ITPR2: variants seen among roughly 807,000 people sequenced by gnomAD.
ITPR2 encodes the protein inositol 1,4,5-trisphosphate-gated calcium channel ITPR2.
Under a neutral mutation model 317.1 loss-of-function variants are expected in ITPR2, and 207 were observed. The observed-to-expected ratio is 0.65, with a 90% CI of 0.58 to 0.73. ITPR2 has a LOEUF of 0.73. Ranked by LOEUF, ITPR2 falls within the 30% of genes least tolerant of loss-of-function variation. The pLI, the probability that ITPR2 is intolerant of heterozygous loss-of-function variation, is 0.00. For missense variants in ITPR2, 2,613 were observed against 3,284.0 expected (o/e 0.80, Z 4.99); for synonymous variants, 1,156 against 1,149.1 (o/e 1.01, Z -0.12).
chr12:26,792,837 A>G (rs981416488), intron 1 of ITPR2, among the ~76,000 whole-genome samples: 2 of 152,160 alleles, frequency 1.3e-5, no homozygotes, highest in Non-Finnish European at 2.9e-5. Context: ...ATTTCTCTCC[A>G]GTGCTTCTCC....
In ITPR2 at chr12:26,413,903, A is replaced by G. The variant is rs550797180; in HGVS notation, c.7306+1400T>C. ...TATTTACCACTTGATTTGTAAGACA[A>G]TAACTACTGCACACATTTTGAATTC... On this transcript the variant is annotated intron_variant, in intron 51 of 56. Coordinates refer to ENST00000381340, the MANE Select transcript of ITPR2 (RefSeq NM_002223.4). 3.9e-5 allele frequency among the ~76,000 whole-genome samples: 6 copies of G among 152,310 alleles called. No individual in the cohort carries two copies. In the South Asian group the frequency reaches 1.2e-3, roughly 32 times the overall value.
intron 13 of ITPR2, among the ~76,000 whole-genome samples, 198 bp from the exon 14 acceptor site, chr12:26,666,249 C>G (rs1271130970): frequency 6.6e-6 from 1 of 151,824 alleles, no homozygotes; most frequent in African/African-American, 2.4e-5. Context: ...CACTTGAAAA[C>G]AAGGTGTTTT....
intron 41 of ITPR2, among the ~76,000 whole-genome samples, chr12:26,484,742 C>T (rs551218053): frequency 2.6e-5 from 4 of 152,154 alleles, no homozygotes; most frequent in Admixed American, 6.5e-5. Flanking sequence ...GACAGAGTCT[C>T]ACTCTATCAC....
At chr12:26,342,169 T>A (rs1938136445) in intron 55 of ITPR2, among the ~76,000 whole-genome samples, 2 of 152,064 alleles carry the variant, frequency 1.3e-5, no homozygotes, top group South Asian at 4.2e-4. Context: ...GGGATGAGCA[T>A]CAGGAAGATC....
chr12:26,593,729 A>ATT (rs10633886), intron 32 of ITPR2, among the ~76,000 whole-genome samples: 11,389 of 85,668 alleles, frequency 0.13, 499 homozygotes, highest in Middle Eastern at 0.24. Flanking sequence ...AATCATTGCT[A>ATT]TTTTTTTGTT....
intron 48 of ITPR2, among the ~76,000 whole-genome samples, chr12:26,428,496 T>A (rs1336116106): frequency 1.3e-5 from 2 of 152,200 alleles, no homozygotes; most frequent in Non-Finnish European, 1.5e-5. Context: ...TGTCTTGTCC[T>A]ATCAGTATCA....
intron 5 of ITPR2, among the ~76,000 whole-genome samples, chr12:26,721,670 C>G (rs1189843305): frequency 2.6e-5 from 4 of 152,170 alleles, no homozygotes; most frequent in East Asian, 1.9e-4. Context: ...ATATCACACT[C>G]TAGATCCTAT....
chr12:26,777,085 G>A (rs186531962), intron 2 of ITPR2, among the ~76,000 whole-genome samples: 632 of 152,342 alleles, frequency 4.1e-3, no homozygotes, highest in Middle Eastern at 6.8e-3. Flanking sequence ...TAGGGACTCT[G>A]CATTTAATGT....
chr12:26,620,968 G>A (rs1056383317), intron 26 of ITPR2, among the ~76,000 whole-genome samples, 155 bp downstream of exon 26: 8 of 152,190 alleles, frequency 5.3e-5, no homozygotes, highest in South Asian at 2.1e-4. Context: ...GCCAGTTTAC[G>A]GAGTTAATTG....
chr12:26,757,559 A>G lies in ITPR2; in HGVS notation c.164-31794T>C, dbSNP rs144461692. On this transcript the variant is annotated intron_variant, in intron 2 of 56. Transcript: ENST00000381340. ...AATAAATTTGCTTTCACTTTACTCT[A>G]TGGGCTCACCCTGAATTCTTTCATG... is the stretch of plus-strand genomic sequence containing the variant. 4.3e-3 allele frequency among the ~76,000 whole-genome samples: 654 copies of G among 152,184 alleles called. 9 individuals carry two copies. Among genetic ancestry groups the G allele is most frequent in the African/African-American group, 0.015 (626 of 41,512 alleles).
chr12:26,541,902 A>G (rs1056782957), intron 37 of ITPR2, among the ~76,000 whole-genome samples: 1 of 152,026 alleles, frequency 6.6e-6, no homozygotes, highest in Non-Finnish European at 1.5e-5. Flanking sequence ...AAAAAAGAGG[A>G]CATCTTAAAA....
chr12:26,814,552 A>G (rs144962091), intron 1 of ITPR2, among the ~76,000 whole-genome samples: 2 of 152,342 alleles, frequency 1.3e-5, no homozygotes, highest in East Asian at 3.9e-4. Flanking sequence ...AATCCCTAGA[A>G]ATAGCAAACT....
intron 37 of ITPR2, among the ~76,000 whole-genome samples, chr12:26,532,883 G>A (rs527680237): frequency 1.3e-4 from 20 of 151,908 alleles, no homozygotes; most frequent in Admixed American, 1.1e-3. Flanking sequence ...ACAGGGTCTC[G>A]CCATGTTGAC....
intron 2 of ITPR2, among the ~76,000 whole-genome samples, chr12:26,759,832 G>A (rs575800074): frequency 2.6e-4 from 39 of 152,220 alleles, no homozygotes; most frequent in South Asian, 1.9e-3. Flanking sequence ...ACAGCAATAT[G>A]GAAGCCAGAA....
rs1452419071 is a variant in ITPR2 at position 26,396,361 on chromosome 12, C to T, written c.7696+2515G>A. 2.0e-5 allele frequency among the ~76,000 whole-genome samples: 3 copies of T among 152,188 alleles called. No homozygotes were observed. In the East Asian group the frequency reaches 5.8e-4, roughly 29 times the overall value. On this transcript the variant is annotated intron_variant, in intron 54 of 56. Transcript: ENST00000381340. ...GCACAATCCACTCTACCTAAATTCA[C>T]CAAAGCCTCCTAAATGAGAAACCAG... is the stretch of plus-strand genomic sequence containing the variant.
At chr12:26,452,803 C>G (rs183198384) in intron 45 of ITPR2, among the ~76,000 whole-genome samples, 1 of 152,196 alleles carries the variant, frequency 6.6e-6, no homozygotes, top group African/African-American at 2.4e-5. Context: ...CAGAAGGCGA[C>G]CAAATGCAGA....
chr12:26,468,852 G>T (rs563319764), intron 45 of ITPR2, among the ~76,000 whole-genome samples: 1 of 151,982 alleles, frequency 6.6e-6, no homozygotes, highest in South Asian at 2.1e-4. Context: ...TCAAATTATT[G>T]TAGTTTATTT....
chr12:26,675,825 G>C (rs1947895396), intron 13 of ITPR2, among the ~76,000 whole-genome samples: 1 of 152,228 alleles, frequency 6.6e-6, no homozygotes, highest in African/African-American at 2.4e-5. Context: ...AATACAGATA[G>C]AAAGTAATTA....
intron 45 of ITPR2, among the ~76,000 whole-genome samples, chr12:26,447,522 T>TA (rs1190652734): frequency 1.7e-3 from 83 of 47,534 alleles, no homozygotes; most frequent in East Asian, 2.9e-3. Context: ...AAGGACAGAG[T>TA]AAAAAAAAAA....
Sources: allele counts gnomAD v4.1 joint callset (sites outside exome capture counted in the v4.1 genomes callset), GRCh38; gene constraint gnomAD v4.1.1; transcripts MANE v1.5; gene names NCBI Gene and HGNC (gene_info 2026-07-23, HGNC 2026-07-21).